FBXL4: variants seen among roughly 807,000 people sequenced by gnomAD.
FBXL4 encodes F-box and leucine rich repeat protein 4, also known as F-box/LRR-repeat protein 4.
FBXL4 carries 40 observed loss-of-function variants against 58.9 expected under a neutral mutation model. That is an observed-to-expected ratio of 0.68 (90% confidence interval 0.53 to 0.88). The LOEUF is 0.88. Among genes scored for constraint, FBXL4 ranks in the 40% least tolerant of loss-of-function variants. FBXL4 has a pLI of 0.00. For missense variants in FBXL4, 676 were observed against 734.4 expected, an observed-to-expected ratio of 0.92 and a Z score of 0.92; for synonymous variants, 263 against 265.5, an observed-to-expected ratio of 0.99 and a Z score of 0.09.
At chr6:98,902,007 C>T (rs1205853396) in intron 6 of FBXL4, among the ~76,000 whole-genome samples, 1 of 152,018 alleles carries the variant, frequency 6.6e-6, no homozygotes, top group Non-Finnish European at 1.5e-5. Flanking sequence ...AAGTAAATTG[C>T]TTATCATTAT....
At chr6:98,897,308 C>A in intron 7 of FBXL4, 6 of 985,184 alleles carry the variant, frequency 6.1e-6, no homozygotes, top group Non-Finnish European at 7.2e-6. Flanking sequence ...CAATTTTATA[C>A]CCACACAAAT....
In FBXL4 at chr6:98,875,692, T is replaced by C; in HGVS notation, c.1425A>G (p.Gly475=). The C allele has an allele frequency of 6.2e-7, 1 of 1,613,836 alleles. No homozygotes were observed. Among genetic ancestry groups the C allele is most frequent in the Non-Finnish European group, 8.5e-7 (1 of 1,179,986 alleles). The change falls in exon 9 of 10, where the codon GGA becomes GGG. Residue 475 remains glycine (G), a synonymous_variant. Transcript: ENST00000369244. ...EDYDVIASMI[G]AKCKKLRTLD... Reference sequence around the variant, plus strand: ...GGGTCCGGAGTTTTTTACACTTGGCTCCTATCATGCTAGCTATCACATCAT... The same window carrying C: ...GGGTCCGGAGTTTTTTACACTTGGCCCCTATCATGCTAGCTATCACATCAT...
intron 5 of FBXL4, among the ~76,000 whole-genome samples, chr6:98,910,941 AGATG>A (rs905189965): frequency 2.6e-5 from 4 of 152,180 alleles, no homozygotes; most frequent in African/African-American, 7.2e-5. Flanking sequence ...AAGGGGTGAC[AGATG>A]GCACCTAGAA....
intron 2 of FBXL4, among the ~76,000 whole-genome samples, chr6:98,930,320 C>T (rs954408080): frequency 1.3e-5 from 2 of 152,076 alleles, no homozygotes; most frequent in African/African-American, 4.8e-5. Context: ...TTTGGGAGGC[C>T]CAGGTGGGAG....
Position 98,873,407 on chromosome 6 carries a change from A to T in FBXL4, c.*871T>A, listed in dbSNP as rs1325940535. On this transcript the variant is annotated 3_prime_UTR_variant, in exon 10 of 10. Transcript: ENST00000369244. ...ACATTTATGTTTTTTTATATAATTC[A>T]GAAACCTCAAAACTTTACCTTTCAC... 6.6e-6 allele frequency: 1 copy of T among 150,468 alleles called. No homozygotes were observed. The highest frequency in any genetic ancestry group is 1.5e-5 in the Non-Finnish European group (1 of 67,712). The allele number at this position is 150,468 out of a possible 1,614,324, so 9.3% of individuals were successfully genotyped here.
At position 98,892,034 on chromosome 6, in the gene FBXL4, TC is replaced by T. The variant is rs542653550; in HGVS notation, c.1317+7233del. 3.5e-4 allele frequency among the ~76,000 whole-genome samples: 54 copies of T among 152,234 alleles called. 1 individual carries two copies. The South Asian group carries it at 0.011, about 30-fold the overall frequency. Reference sequence around the variant, plus strand: ...GGGCACACATACTCACCCCACCAAGTCACCTATTCCCATTGAAAGTTCTACA... The same window carrying T: ...GGGCACACATACTCACCCCACCAAGTACCTATTCCCATTGAAAGTTCTACA... On this transcript the variant is annotated intron_variant, in intron 7 of 9. Transcript: ENST00000369244.
chr6:98,926,926 G>C lies in FBXL4; in HGVS notation c.63C>G (p.Arg21=). 6.2e-7 allele frequency: 1 copy of C among 1,614,096 alleles called. No homozygotes were observed. The highest frequency in any genetic ancestry group is 1.1e-5 in the South Asian group (1 of 91,086). The change falls in exon 4 of 10, where the codon CGC becomes CGG. Residue 21 remains arginine (R), a synonymous_variant. Coordinates refer to ENST00000369244, the MANE Select transcript of FBXL4 (RefSeq NM_001278716.2). ...LTMFYYICLR[R]RARTATRGEM... ...CTCCTCTTGTAGCTGTCCTGGCTCG[G>C]CGCCGAAGGCATATATAATAAAACA...
At chr6:98,896,404 A>T (rs770446936) in intron 7 of FBXL4, among the ~76,000 whole-genome samples, 9 of 152,144 alleles carry the variant, frequency 5.9e-5, no homozygotes, top group Non-Finnish European at 1.3e-4. Context: ...TTATTTTGCC[A>T]ACTCTCCTTT....
At chr6:98,938,138 G>A (rs1029155293) in intron 1 of FBXL4, among the ~76,000 whole-genome samples, 17 of 150,022 alleles carry the variant, frequency 1.1e-4, no homozygotes, top group African/African-American at 4.2e-4. Context: ...ACTATTGGTA[G>A]AGTTTTCTTT....
chr6:98,888,751 T>C (rs1771123018), intron 7 of FBXL4, among the ~76,000 whole-genome samples: 2 of 152,344 alleles, frequency 1.3e-5, no homozygotes, highest in African/African-American at 2.4e-5. Context: ...TAAACAACTA[T>C]GGCAAGGCAT....
chr6:98,902,974 TAAC>T (rs1052002706), intron 6 of FBXL4, among the ~76,000 whole-genome samples: 2 of 152,158 alleles, frequency 1.3e-5, no homozygotes, highest in African/African-American at 4.8e-5. Flanking sequence ...TTCTGAATAA[TAAC>T]AATTCTTAAA....
chr6:98,891,114 A>C lies in FBXL4; in HGVS notation c.1317+8154T>G, dbSNP rs3819754. ...AAATACACAATATGGTATAGATTAT[A>C]TACTGATACATAATCACCTTGAAAA... is the stretch of plus-strand genomic sequence containing the variant. On this transcript the variant is annotated intron_variant, in intron 7 of 9. Transcript: ENST00000369244. Among the ~76,000 whole-genome samples the C allele has an allele frequency of 3.9e-5, 6 of 152,364 alleles. No individual in the cohort carries two copies. In the East Asian group the frequency reaches 1.2e-3, roughly 29 times the overall value.
At chr6:98,896,437 G>A (rs2128387671) in intron 7 of FBXL4, among the ~76,000 whole-genome samples, 1 of 152,276 alleles carries the variant, frequency 6.6e-6, no homozygotes, top group Non-Finnish European at 1.5e-5. Flanking sequence ...TAGTGCCCAT[G>A]TGGGACTCTG....
At chr6:98,915,218 C>A (rs993246260) in intron 5 of FBXL4, among the ~76,000 whole-genome samples, 1 of 151,388 alleles carries the variant, frequency 6.6e-6, no homozygotes, top group Non-Finnish European at 1.5e-5. Context: ...TAGGAAGAAT[C>A]AATATCGTGA....
At chr6:98,903,731 C>T (rs960581999) in intron 6 of FBXL4, among the ~76,000 whole-genome samples, 2 of 152,050 alleles carry the variant, frequency 1.3e-5, no homozygotes, top group African/African-American at 4.8e-5. Flanking sequence ...ATATTTTACT[C>T]GTTATTATCA....
chr6:98,919,123 CCTA>C lies in FBXL4; in HGVS notation c.513-1407_513-1405del, dbSNP rs202135234. 3.6e-3 allele frequency among the ~76,000 whole-genome samples: 544 copies of C among 152,178 alleles called. 4 individuals are homozygous for C. Among genetic ancestry groups the C allele is most frequent in the African/African-American group, 0.013 (521 of 41,522 alleles). On this transcript the variant is annotated intron_variant, in intron 4 of 9. Transcript: ENST00000369244. ...TAGAAGCCATCAACATATAGGTACT[CCTA>C]CTGTTTTTAGGCCCAGAAGGGACCA...
intron 7 of FBXL4, among the ~76,000 whole-genome samples, chr6:98,882,932 TAGA>T (rs1770905057): frequency 1.3e-5 from 2 of 152,076 alleles, no homozygotes; most frequent in African/African-American, 4.8e-5. Context: ...TGTGCATTTA[TAGA>T]AGAGTATTTC....
chr6:98,906,928 T>C (rs891234263), intron 5 of FBXL4, among the ~76,000 whole-genome samples: 2 of 152,244 alleles, frequency 1.3e-5, no homozygotes, highest in Admixed American at 1.3e-4. Context: ...CCAGTGATGA[T>C]GAACATTTTT....
At chr6:98,947,095 CTACCTGACCACAGGCTTA>C (rs1323826320) in intron 1 of FBXL4, among the ~76,000 whole-genome samples, 1 of 152,258 alleles carries the variant, frequency 6.6e-6, no homozygotes, top group Non-Finnish European at 1.5e-5. Flanking sequence ...GCCAACGCAA[CTACCTGACCACAGGCTTA>C]TACCATCTTC....
Sources: allele counts gnomAD v4.1 joint callset (sites outside exome capture counted in the v4.1 genomes callset), GRCh38; gene constraint gnomAD v4.1.1; transcripts MANE v1.5; gene names NCBI Gene and HGNC (gene_info 2026-07-23, HGNC 2026-07-21).